TMEM236: variants seen among roughly 807,000 people sequenced by gnomAD.
TMEM236 encodes the protein family with sequence similarity 23, member A.
A neutral mutation model predicts 14.7 loss-of-function variants in TMEM236; 11 were observed. The observed-to-expected ratio is 0.75, with a 90% CI of 0.47 to 1.24. The LOEUF (loss-of-function observed/expected upper bound fraction) is 1.24. Ranked by LOEUF, TMEM236 falls within the 50% of genes most tolerant of loss-of-function variation. The pLI, the probability that TMEM236 is intolerant of heterozygous loss-of-function variation, is 0.00. For synonymous variants in TMEM236, 182 were observed against 168.6 expected, an observed-to-expected ratio of 1.08 and a Z score of -0.62; for missense variants, 464 against 427.3, an observed-to-expected ratio of 1.09 and a Z score of -0.76.
At chr10:17,793,120 A>G (rs898520751) in intron 3 of TMEM236, among the ~76,000 whole-genome samples, 11 of 152,214 alleles carry the variant, frequency 7.2e-5, no homozygotes, top group Non-Finnish European at 1.3e-4. Context: ...TGAGCTGTGG[A>G]GAGATATGAA....
intron 2 of TMEM236, among the ~76,000 whole-genome samples, chr10:17,771,955 T>C (rs1192643982): frequency 6.6e-6 from 1 of 152,222 alleles, no homozygotes; most frequent in Non-Finnish European, 1.5e-5. Context: ...AATGCCCCAC[T>C]AATCTTATTG....
intron 1 of TMEM236, among the ~76,000 whole-genome samples, chr10:17,769,751 A>C (rs1423608435): frequency 6.6e-6 from 1 of 152,094 alleles, no homozygotes; most frequent in Non-Finnish European, 1.5e-5. Flanking sequence ...TTATATTTAC[A>C]CCTAGGACAT....
At chr10:17,772,947 C>G (rs1222333518) in intron 2 of TMEM236, among the ~76,000 whole-genome samples, 1 of 152,062 alleles carries the variant, frequency 6.6e-6, no homozygotes, top group African/African-American at 2.4e-5. Context: ...TGATGTCTGG[C>G]TTCTTTTATT....
chr10:17,760,041 A>G (rs1207886513), intron 1 of TMEM236, among the ~76,000 whole-genome samples: 1 of 147,468 alleles, frequency 6.8e-6, no homozygotes, highest in Non-Finnish European at 1.5e-5. Flanking sequence ...TGAGCACCTC[A>G]CTGCTCCGCG....
Position 17,796,071 on chromosome 10 carries a change from A to T in TMEM236, c.623A>T (p.Gln208Leu). The T allele has an allele frequency of 1.9e-6, 3 of 1,613,922 alleles. No individual in the cohort carries two copies. Among genetic ancestry groups the T allele is most frequent in the Non-Finnish European group, 2.5e-6 (3 of 1,179,864 alleles). Residue 208 changes from glutamine to leucine, a missense_variant, in exon 4 of 4, where the codon CAG becomes CTG. Gln to Leu is a moderately radical substitution (Grantham distance 113). Transcript: ENST00000377495. ...SQPSGAMTRS[Q>L]ESVFMGPQEP... ...CCATCAGGAGCCATGACACGGAGCCAGGAGTCTGTGTTCATGGGACCCCAG... is the reference window on the plus strand; with the variant it reads ...CCATCAGGAGCCATGACACGGAGCCTGGAGTCTGTGTTCATGGGACCCCAG...
chr10:17,776,648 G>A (rs1837662249), intron 3 of TMEM236, among the ~76,000 whole-genome samples: 1 of 152,104 alleles, frequency 6.6e-6, no homozygotes, highest in Non-Finnish European at 1.5e-5. Context: ...ATAAAACCAA[G>A]ATATGGCTGG....
rs1222195621 is a variant in TMEM236, at chr10:17,798,001, A to T, written c.*1497A>T. On this transcript the variant is annotated 3_prime_UTR_variant, in exon 4 of 4. Coordinates refer to ENST00000377495, the MANE Select transcript of TMEM236 (RefSeq NM_001098844.3). The stretch of plus-strand genomic sequence containing the variant: ...AGCCAATGTATCAGTGTCTTATGTG[A>T]TACTATATCATGGATATATTGATGT... 6.5e-6 allele frequency: 1 copy of T among 153,524 alleles called. No individual in the cohort carries two copies. Among genetic ancestry groups the T allele is most frequent in the East Asian group, 1.9e-4 (1 of 5,194 alleles). The allele number at this position is 153,524 out of a possible 1,614,324, so 9.5% of individuals were successfully genotyped here. A position where few individuals can be genotyped will look rare whatever the true frequency, so the allele number is the denominator to read the frequency against.
chr10:17,792,396 A>C (rs1208416720), intron 3 of TMEM236, among the ~76,000 whole-genome samples: 2 of 152,126 alleles, frequency 1.3e-5, no homozygotes, highest in Non-Finnish European at 2.9e-5. Context: ...CTCTGTTTTT[A>C]TTTAGATAAC....
At chr10:17,756,825 T>C (rs1341270828) in intron 1 of TMEM236, among the ~76,000 whole-genome samples, 3 of 152,012 alleles carry the variant, frequency 2.0e-5, no homozygotes, top group Non-Finnish European at 4.4e-5. Flanking sequence ...AGGAACAGAG[T>C]AGGCTTTTGT....
intron 3 of TMEM236, among the ~76,000 whole-genome samples, chr10:17,788,435 G>C (rs1837871389): frequency 6.6e-6 from 1 of 151,540 alleles, no homozygotes; most frequent in Non-Finnish European, 1.5e-5. Context: ...TAAAGCAGCA[G>C]TAGAGGGAAA....
At chr10:17,768,394 AT>A (rs1315872621) in intron 1 of TMEM236, among the ~76,000 whole-genome samples, 1 of 152,054 alleles carries the variant, frequency 6.6e-6, no homozygotes, top group African/African-American at 2.4e-5. Flanking sequence ...ACTGTATACA[AT>A]TTTTTTAAAA....
Position 17,767,603 on chromosome 10 carries a change from C to T in TMEM236, c.258-3706C>T, listed in dbSNP as rs1837489565. Among the ~76,000 whole-genome samples, 3 of 152,100 alleles carry T rather than the reference C, an allele frequency of 2.0e-5. No homozygotes were observed. The South Asian group carries it at 6.2e-4, about 32-fold the overall frequency. On this transcript the variant is annotated intron_variant, in intron 1 of 3. Coordinates refer to ENST00000377495, the MANE Select transcript of TMEM236 (RefSeq NM_001098844.3). Reference sequence around the variant, plus strand: ...CCTTCATTTAGTATTTATTGAATTCCTACTATGTGTTGGACATTCTCTAGC... The same window carrying T: ...CCTTCATTTAGTATTTATTGAATTCTTACTATGTGTTGGACATTCTCTAGC...
At chr10:17,763,937 C>G (rs1837418261) in intron 1 of TMEM236, among the ~76,000 whole-genome samples, 1 of 152,088 alleles carries the variant, frequency 6.6e-6, no homozygotes, top group African/African-American at 2.4e-5. Flanking sequence ...AGGGTTGATA[C>G]CTCACTCAGA....
intron 3 of TMEM236, among the ~76,000 whole-genome samples, chr10:17,794,927 C>T (rs1158746782): frequency 2.6e-5 from 4 of 152,240 alleles, no homozygotes; most frequent in African/African-American, 7.2e-5. Context: ...ACTCGGGACG[C>T]TGAGGCAGGA....
intron 1 of TMEM236, among the ~76,000 whole-genome samples, chr10:17,769,333 G>A (rs1401829279): frequency 2.0e-5 from 3 of 152,130 alleles, no homozygotes; most frequent in African/African-American, 4.8e-5. Context: ...GTTCTGTTTC[G>A]GACATGGTAA....
rs926078465 is a variant in TMEM236 at position 17,775,999 on chromosome 10, T to G, written c.331-30T>G. On this transcript the variant is annotated intron_variant, in intron 2 of 3. Transcript: ENST00000377495. ...TTTGAGCAAAGAAAGCACAATAATT[T>G]AATGCTTGTAAATGGTTTTCTCTAA... 99 of 1,613,486 alleles carry G rather than the reference T, an allele frequency of 6.1e-5. No individual in the cohort carries two copies. In the African/African-American group the frequency reaches 1.1e-3, roughly 18 times the overall value.
chr10:17,798,286 C>A lies in TMEM236; in HGVS notation c.*1782C>A, dbSNP rs1838047601. The A allele has an allele frequency of 6.8e-6, 2 of 293,356 alleles. No homozygotes were observed. The highest frequency in any genetic ancestry group is 1.3e-5 in the Non-Finnish European group (2 of 151,290). 18.2% of individuals were successfully genotyped at this position (293,356 alleles called of 1,614,324 possible). A position where few individuals can be genotyped will look rare whatever the true frequency, so the allele number is the denominator to read the frequency against. On this transcript the variant is annotated 3_prime_UTR_variant, in exon 4 of 4. Transcript: ENST00000377495. Reference sequence around the variant, plus strand: ...GGCTGTGGTGGCTCACACGTGTAATCCCAGCACTTTGGGAGGTTGAGGCAG... The same window carrying A: ...GGCTGTGGTGGCTCACACGTGTAATACCAGCACTTTGGGAGGTTGAGGCAG...
At chr10:17,778,183 G>GCCT (rs1469877240) in intron 3 of TMEM236, among the ~76,000 whole-genome samples, 1 of 152,180 alleles carries the variant, frequency 6.6e-6, no homozygotes, top group African/African-American at 2.4e-5. Flanking sequence ...CACTTGAAGA[G>GCCT]CCTCCTTCTT....
At chr10:17,794,807 G>A (rs1468368247) in intron 3 of TMEM236, among the ~76,000 whole-genome samples, 11 of 152,126 alleles carry the variant, frequency 7.2e-5, no homozygotes. Flanking sequence ...GGAGACCAAG[G>A]CATGAAGATC....
Sources: gnomAD v4.1 joint callset for allele counts (sites outside exome capture counted in the v4.1 genomes callset) on GRCh38, gnomAD v4.1.1 for gene constraint, MANE v1.5 for transcripts, NCBI Gene and HGNC (gene_info 2026-07-23, HGNC 2026-07-21) for gene names.